Variants in TSHR observed in about 807,000 individuals in gnomAD.
The protein encoded by TSHR is thyrotropin receptor.
A neutral mutation model predicts 64.1 loss-of-function variants in TSHR; 51 were observed. That is an observed-to-expected ratio of 0.80 (90% confidence interval 0.64 to 1.01). The LOEUF (loss-of-function observed/expected upper bound fraction) is 1.01, where lower values mean the gene tolerates loss of function less well. Among genes scored for constraint, TSHR ranks in the 50% least tolerant of loss-of-function variants. TSHR has a pLI of 0.00. For missense variants in TSHR, 877 were observed against 942.8 expected, an observed-to-expected ratio of 0.93 and a Z score of 0.91; for synonymous variants, 361 against 361.9, an observed-to-expected ratio of 1.00 and a Z score of 0.03.
chr14:80,976,196 C>A (rs1887866858), intron 1 of TSHR, among the ~76,000 whole-genome samples: 1 of 152,218 alleles, frequency 6.6e-6, no homozygotes, highest in Non-Finnish European at 1.5e-5. Flanking sequence ...CAGGCGTGAG[C>A]AAGTACATTC....
intron 1 of TSHR, chr14:81,051,378 T>G (rs1194713170): frequency 6.6e-6 from 1 of 152,118 alleles, no homozygotes; most frequent in East Asian, 1.9e-4. Flanking sequence ...TCCTCCAAAC[T>G]CCTGTTAATG....
At chr14:81,105,249 T>C (rs1304604862) in intron 7 of TSHR, 1 of 984,960 alleles carries the variant, frequency 1.0e-6, no homozygotes, top group Non-Finnish European at 1.2e-6. Context: ...TCCCAGGAAA[T>C]GTCATGTGAT....
At chr14:81,035,041 A>G (rs555734350) in intron 1 of TSHR, among the ~76,000 whole-genome samples, 1 of 152,304 alleles carries the variant, frequency 6.6e-6, no homozygotes, top group South Asian at 2.1e-4. Context: ...GAGGGTGCAA[A>G]GCCTGACACC....
chr14:81,082,579 G>A (rs1887984648), intron 3 of TSHR, among the ~76,000 whole-genome samples: 2 of 152,082 alleles, frequency 1.3e-5, no homozygotes, highest in South Asian at 4.1e-4. Flanking sequence ...TCTCTCTCTG[G>A]TCCTCCTGAT....
intron 8 of TSHR, among the ~76,000 whole-genome samples, chr14:81,137,365 A>G (rs2140098254): frequency 6.6e-6 from 1 of 152,162 alleles, no homozygotes; most frequent in East Asian, 1.9e-4. Flanking sequence ...ATTCTTTGAC[A>G]CTCTTCCCAT....
Position 81,025,089 on chromosome 14 carries a change from A to G in TSHR, c.171-37059A>G, listed in dbSNP as rs182806769. On this transcript the variant is annotated intron_variant, in intron 1 of 9. Transcript: ENST00000298171. ...TGCAGTAATACAGTATGTACAGTTA[A>G]TTGTATGCAGTAATGATTTAATACT... is the stretch of plus-strand genomic sequence containing the variant. Among the ~76,000 whole-genome samples, 9 of 152,318 alleles carry G rather than the reference A, an allele frequency of 5.9e-5. No individual in the cohort carries two copies. The East Asian group carries it at 1.7e-3, about 29-fold the overall frequency.
At chr14:81,063,802 A>G (rs930652576) in intron 2 of TSHR, among the ~76,000 whole-genome samples, 7 of 152,060 alleles carry the variant, frequency 4.6e-5, no homozygotes, top group Admixed American at 6.6e-5. Flanking sequence ...ATGGAAACTC[A>G]CATAAGAGGT....
chr14:81,143,465 C>T lies in TSHR; in HGVS notation c.1407C>T (p.Leu469=), dbSNP rs372224556. 54 of 1,614,098 alleles carry T rather than the reference C, an allele frequency of 3.3e-5. No homozygotes were observed. Among genetic ancestry groups the T allele is most frequent in the Non-Finnish European group, 4.3e-5 (51 of 1,180,052 alleles). The change falls in exon 10 of 10, where the codon CTC becomes CTT. Residue 469 remains leucine, a synonymous_variant. Transcript: ENST00000298171. ...ADFCMGMYLL[L]IASVDLYTHS... ...TCTGCATGGGGATGTACCTGCTCCTCATCGCCTCTGTAGACCTCTACACTC... is the reference window on the plus strand; with the variant it reads ...TCTGCATGGGGATGTACCTGCTCCTTATCGCCTCTGTAGACCTCTACACTC...
chr14:81,011,543 A>G lies in TSHR; in HGVS notation c.171-50605A>G, dbSNP rs1318104705. ...TTTTTCATTCCCAGTACAATTATGT[A>G]TCGTGCTTTCTCTTTTCTTTTGCTT... On this transcript the variant is annotated intron_variant, in intron 1 of 9. Transcript: ENST00000298171. Among the ~76,000 whole-genome samples, 3 of 152,140 alleles carry G rather than the reference A, an allele frequency of 2.0e-5. No individual in the cohort carries two copies. In the East Asian group the frequency reaches 5.8e-4, roughly 29 times the overall value.
intron 1 of TSHR, among the ~76,000 whole-genome samples, chr14:80,980,988 T>C (rs552417944): frequency 1.8e-3 from 281 of 152,346 alleles, no homozygotes; most frequent in African/African-American, 6.6e-3. Flanking sequence ...GAATTAGTTT[T>C]TAAAAAAACT....
intron 8 of TSHR, among the ~76,000 whole-genome samples, chr14:81,125,253 A>T (rs1416576728): frequency 6.6e-6 from 1 of 152,188 alleles, no homozygotes; most frequent in African/African-American, 2.4e-5. Flanking sequence ...ACAGACAGTG[A>T]TAGAGTTATG....
chr14:81,035,332 C>T (rs1255708968), intron 1 of TSHR, among the ~76,000 whole-genome samples: 3 of 152,172 alleles, frequency 2.0e-5, no homozygotes, highest in African/African-American at 7.2e-5. Context: ...GTGCCCATGC[C>T]CTGCTCAGCT....
chr14:81,109,177 A>C (rs1239124840), intron 8 of TSHR, among the ~76,000 whole-genome samples: 8 of 152,136 alleles, frequency 5.3e-5, no homozygotes, highest in African/African-American at 1.9e-4. Context: ...TGGGAGGCCG[A>C]GGCGGGCAGA....
intron 7 of TSHR, among the ~76,000 whole-genome samples, chr14:81,105,490 A>G (rs1253359137): frequency 6.6e-6 from 1 of 152,122 alleles, no homozygotes; most frequent in Non-Finnish European, 1.5e-5. Flanking sequence ...GGTTTTAGAG[A>G]ACACAGTCTC....
At position 81,143,589 on chromosome 14, in the gene TSHR, A is replaced by C. The variant is rs898870834; in HGVS notation, c.1531A>C (p.Thr511Pro). The change falls in exon 10 of 10, where the codon ACG becomes CCG. Residue 511 changes from threonine (T) to proline (P), a missense_variant. Thr to Pro is a conservative substitution (Grantham distance 38). Coordinates refer to ENST00000298171, the MANE Select transcript of TSHR (RefSeq NM_000369.5). ...CTTTGCAAGCGAGTTATCGGTGTAT[A>C]CGCTGACGGTCATCACCCTGGAGCG... ...TVFASELSVY[T>P]LTVITLERWY... 1.2e-6 allele frequency: 2 copies of C among 1,613,382 alleles called. No individual in the cohort carries two copies. The highest frequency in any genetic ancestry group is 2.7e-5 in the African/African-American group (2 of 74,904).
rs185416896 is a variant in TSHR, at chr14:81,000,031, A to G, written c.170+44181A>G. Among the ~76,000 whole-genome samples, 205 of 149,436 alleles carry G rather than the reference A, an allele frequency of 1.4e-3. 1 individual carries two copies. The highest frequency in any genetic ancestry group is 4.6e-3 in the African/African-American group (186 of 40,654). ...ACTGCAACTTCCACCTCCTGGGTTC[A>G]AGCGATTCTCCAGCCTCAGACTCCC... On this transcript the variant is annotated intron_variant, in intron 1 of 9. Transcript: ENST00000298171.
chr14:81,123,218 A>G (rs192068089), intron 8 of TSHR, among the ~76,000 whole-genome samples: 1 of 152,366 alleles, frequency 6.6e-6, no homozygotes, highest in Non-Finnish European at 1.5e-5. Context: ...TGAGAGGTCA[A>G]TAGGAGAAAA....
chr14:81,098,086 A>T (rs898858321), intron 7 of TSHR, among the ~76,000 whole-genome samples: 1 of 152,168 alleles, frequency 6.6e-6, no homozygotes, highest in African/African-American at 2.4e-5. Context: ...GACACTTGCA[A>T]TGTACCAGGC....
chr14:81,027,036 CAAA>C (rs1417772986), intron 1 of TSHR, among the ~76,000 whole-genome samples: 2 of 76,490 alleles, frequency 2.6e-5, no homozygotes, highest in Non-Finnish European at 3.1e-5. Context: ...AACTCCATCT[CAAA>C]AAAAAAAAAA....
Sources: gnomAD v4.1 joint callset for allele counts (sites outside exome capture counted in the v4.1 genomes callset) on GRCh38, gnomAD v4.1.1 for gene constraint, MANE v1.5 for transcripts, NCBI Gene and HGNC (gene_info 2026-07-23, HGNC 2026-07-21) for gene names.